The following IL12RB2 variants were observed in gnomAD, a reference collection of about 807,000 sequenced individuals.
The protein encoded by IL12RB2 is interleukin 12 receptor subunit beta 2.
Under a neutral mutation model 89.4 loss-of-function variants are expected in IL12RB2, and 82 were observed. The ratio of observed to expected loss-of-function variants is 0.92; its 90% CI spans 0.77 to 1.10. The LOEUF (loss-of-function observed/expected upper bound fraction) is 1.10, where lower values mean the gene tolerates loss of function less well. Ranked by LOEUF, IL12RB2 falls within the 50% of genes least tolerant of loss-of-function variation. The probability of loss-of-function intolerance (pLI) is 0.00; values close to 1 mark genes in which losing one functional copy is unlikely to be tolerated. For missense variants in IL12RB2, 963 were observed against 1,031.9 expected, an observed-to-expected ratio of 0.93 and a Z score of 0.92; for synonymous variants, 368 against 370.1, an observed-to-expected ratio of 0.99 and a Z score of 0.07.
rs541234733 is a variant in IL12RB2 at position 67,377,486 on chromosome 1, C to T, written c.1718-2500C>T. On this transcript the variant is annotated intron_variant, in intron 13 of 16. Coordinates refer to ENST00000674203, the MANE Select transcript of IL12RB2 (RefSeq NM_001374259.2). ...AGATAAGCTTGGGAGCTGAGTCATG[C>T]AAAAACTGCCTTTCTTTTGTTACCA... 2.6e-5 allele frequency among the ~76,000 whole-genome samples: 4 copies of T among 152,272 alleles called. No homozygotes were observed. The South Asian group carries it at 8.3e-4, about 32-fold the overall frequency.
At chr1:67,361,538 G>A (rs1196821180) in intron 10 of IL12RB2, among the ~76,000 whole-genome samples, 6 of 152,116 alleles carry the variant, frequency 3.9e-5, no homozygotes, top group African/African-American at 9.7e-5. Context: ...TGGGTGATTC[G>A]TAAAATAGAC....
rs1666404905 is a variant in IL12RB2, at chr1:67,396,933, C to A, written c.*844C>A. The A allele has an allele frequency of 6.6e-6, 1 of 151,946 alleles. No individual in the cohort carries two copies. The highest frequency in any genetic ancestry group is 1.5e-5 in the Non-Finnish European group (1 of 68,002). 9.4% of individuals were successfully genotyped at this position (151,946 alleles called of 1,614,324 possible). A position where few individuals can be genotyped will look rare whatever the true frequency, so the allele number is the denominator to read the frequency against. ...GGATCATGAGGTCAGGAGATCGAGA[C>A]CATTCTGGCTAACATGGTGAAACCC... is the stretch of plus-strand genomic sequence containing the variant. On this transcript the variant is annotated 3_prime_UTR_variant, in exon 17 of 17. Coordinates refer to ENST00000674203, the MANE Select transcript of IL12RB2 (RefSeq NM_001374259.2).
chr1:67,350,271 T>C (rs1046939949), intron 9 of IL12RB2, among the ~76,000 whole-genome samples: 34 of 152,384 alleles, frequency 2.2e-4, no homozygotes, highest in African/African-American at 7.0e-4. Context: ...ATGATCTCAA[T>C]TGGAATTTTT....
chr1:67,377,783 G>A (rs1380528649), intron 13 of IL12RB2, among the ~76,000 whole-genome samples: 1 of 147,354 alleles, frequency 6.8e-6, no homozygotes, highest in Non-Finnish European at 1.5e-5. Context: ...TGTAATTTGT[G>A]TTTCTTTTTC....
chr1:67,357,841 A>G (rs1225719436), intron 10 of IL12RB2, among the ~76,000 whole-genome samples: 1 of 152,220 alleles, frequency 6.6e-6, no homozygotes, highest in Non-Finnish European at 1.5e-5. Context: ...AAGGTGTAAA[A>G]AAATGGGTAA....
At chr1:67,353,116 A>G (rs1224963955) in intron 10 of IL12RB2, among the ~76,000 whole-genome samples, 1 of 152,252 alleles carries the variant, frequency 6.6e-6, no homozygotes, top group East Asian at 1.9e-4. Flanking sequence ...GTATAATAGT[A>G]AAGAATGGAC....
At chr1:67,340,839 A>G (rs1400542091) in intron 9 of IL12RB2, among the ~76,000 whole-genome samples, 1 of 152,146 alleles carries the variant, frequency 6.6e-6, no homozygotes, top group Non-Finnish European at 1.5e-5. Flanking sequence ...CTATCTTCAC[A>G]AGGCTTAGGT....
At chr1:67,345,817 A>G (rs576282414) in intron 9 of IL12RB2, among the ~76,000 whole-genome samples, 4 of 152,344 alleles carry the variant, frequency 2.6e-5, no homozygotes, top group African/African-American at 9.6e-5. Context: ...AAAGTAGGGA[A>G]TTTTGATTGG....
intron 1 of IL12RB2, among the ~76,000 whole-genome samples, chr1:67,308,726 T>C (rs1198874658): frequency 1.3e-5 from 2 of 152,144 alleles, no homozygotes; most frequent in African/African-American, 2.4e-5. Flanking sequence ...ATAGACCTTG[T>C]CTAAGAACAG....
intron 10 of IL12RB2, 66 bp from the exon 11 acceptor site, chr1:67,367,759 T>A: frequency 2.1e-6 from 2 of 942,880 alleles, no homozygotes; most frequent in Non-Finnish European, 3.5e-6. Flanking sequence ...TTTGGCTTTT[T>A]TTGTTGTTTA....
intron 5 of IL12RB2, 115 bp from the exon 6 acceptor site, chr1:67,328,085 T>C (rs1657570126): frequency 1.2e-6 from 1 of 811,884 alleles, no homozygotes; most frequent in Non-Finnish European, 2.1e-6. Flanking sequence ...GTCATAAGAT[T>C]GACCTTTAAA....
intron 10 of IL12RB2, among the ~76,000 whole-genome samples, chr1:67,352,203 C>A (rs1392002722): frequency 6.6e-6 from 1 of 151,884 alleles, no homozygotes; most frequent in African/African-American, 2.4e-5. Context: ...ATGCATATAA[C>A]CTTGGGTTGG....
rs1041472508 is a variant in IL12RB2, at chr1:67,372,827, G to A, written c.1717+44G>A. ...TGCAGTGAGTGGGGCCTTCTTGTTT[G>A]GATGTCAGGAAAACACAAGGAGGTG... On this transcript the variant is annotated intron_variant, in intron 13 of 16. Coordinates refer to ENST00000674203, the MANE Select transcript of IL12RB2 (RefSeq NM_001374259.2). The A allele has an allele frequency of 5.1e-6, 7 of 1,371,352 alleles. No individual in the cohort carries two copies. The Admixed American group carries it at 1.0e-4, about 20-fold the overall frequency. 84.9% of individuals were successfully genotyped at this position (1,371,352 alleles called of 1,614,324 possible). A position where few individuals can be genotyped will look rare whatever the true frequency, so the allele number is the denominator to read the frequency against.
At position 67,387,363 on chromosome 1, in the gene IL12RB2, T is replaced by C. The variant is rs192039119; in HGVS notation, c.1946+694T>C. On this transcript the variant is annotated intron_variant, in intron 15 of 16. Transcript: ENST00000674203. Reference sequence around the variant, plus strand: ...TGGTTAACTAAATCCTGATATATCTTGTACTATAACATATTATGTGTCCAT... The same window carrying C: ...TGGTTAACTAAATCCTGATATATCTCGTACTATAACATATTATGTGTCCAT... Among the ~76,000 whole-genome samples, 66 of 152,248 alleles carry C rather than the reference T, an allele frequency of 4.3e-4. No homozygotes were observed. The East Asian group carries it at 5.4e-3, about 12-fold the overall frequency.
intron 1 of IL12RB2, among the ~76,000 whole-genome samples, chr1:67,308,234 AGG>A (rs1317292027): frequency 6.6e-6 from 1 of 151,324 alleles, no homozygotes; most frequent in South Asian, 2.1e-4. Context: ...GATGGAGGGG[AGG>A]GAGCGCGCGG....
chr1:67,361,046 C>T lies in IL12RB2; in HGVS notation c.1259-6779C>T, dbSNP rs542913039. Among the ~76,000 whole-genome samples the T allele has an allele frequency of 1.9e-4, 29 of 152,160 alleles. No individual in the cohort carries two copies. The East Asian group carries it at 5.6e-3, about 29-fold the overall frequency. ...CTCGAGCCCACTGTAGCCATCCTAT[C>T]CCACTTAAGAGGGGAAAACTGATAA... On this transcript the variant is annotated intron_variant, in intron 10 of 16. Coordinates refer to ENST00000674203, the MANE Select transcript of IL12RB2 (RefSeq NM_001374259.2).
chr1:67,311,305 A>T, intron 1 of IL12RB2, among the ~76,000 whole-genome samples: 1 of 152,192 alleles, frequency 6.6e-6, no homozygotes, highest in South Asian at 2.1e-4. Context: ...TGAGAGGGGT[A>T]AGCCTGTTCC....
In IL12RB2 at chr1:67,398,517, A is replaced by T. The variant is rs1019277419; in HGVS notation, c.*2428A>T. ...TTTGTCTTCCCAAAAAAAAAAAAGA[A>T]TTTTTTTTTTTTTAAGGAATCCTTC... On this transcript the variant is annotated 3_prime_UTR_variant, in exon 17 of 17. Transcript: ENST00000674203. 2.7e-5 allele frequency among the ~76,000 whole-genome samples: 4 copies of T among 145,568 alleles called. No individual in the cohort carries two copies. Among genetic ancestry groups the T allele is most frequent in the Non-Finnish European group, 4.6e-5 (3 of 65,822 alleles).
intron 15 of IL12RB2, among the ~76,000 whole-genome samples, chr1:67,386,872 T>TATATATATATATATA (rs1557476281): frequency 2.1e-5 from 1 of 48,436 alleles, no homozygotes; most frequent in Non-Finnish European, 4.5e-5. Flanking sequence ...GAAATGTATT[T>TATATATATATATATA]TATATATATA....
Sources: gnomAD v4.1 joint callset for allele counts (sites outside exome capture counted in the v4.1 genomes callset) on GRCh38, gnomAD v4.1.1 for gene constraint, MANE v1.5 for transcripts, NCBI Gene and HGNC (gene_info 2026-07-23, HGNC 2026-07-21) for gene names.